The following EPB41L4A variants were observed in gnomAD, a reference collection of about 807,000 sequenced individuals.
EPB41L4A encodes the protein erythrocyte membrane protein band 4.1 like 4A.
Under a neutral mutation model 108.6 loss-of-function variants are expected in EPB41L4A, and 100 were observed. That is an observed-to-expected ratio of 0.92 (90% confidence interval 0.78 to 1.09). EPB41L4A has a LOEUF of 1.09. EPB41L4A is among the 50% of genes least tolerant of loss of function. EPB41L4A has a pLI of 0.00. For synonymous variants in EPB41L4A, 319 were observed against 289.0 expected (o/e 1.10, Z -1.05); for missense variants, 1,030 against 842.7 (o/e 1.22, Z -2.75).
chr5:112,202,203 C>T (rs1762253319), intron 15 of EPB41L4A, among the ~76,000 whole-genome samples: 1 of 152,130 alleles, frequency 6.6e-6, no homozygotes, highest in African/African-American at 2.4e-5. Context: ...GTATCTCCAG[C>T]AGTGTCAGCA....
intron 18 of EPB41L4A, among the ~76,000 whole-genome samples, chr5:112,181,368 G>A (rs903615855): frequency 1.3e-5 from 2 of 151,942 alleles, no homozygotes; most frequent in Non-Finnish European, 2.9e-5. Context: ...GGAGAATGGC[G>A]TGGAACCCGG....
intron 1 of EPB41L4A, among the ~76,000 whole-genome samples, chr5:112,410,680 C>T (rs1762355505): frequency 6.6e-6 from 1 of 152,054 alleles, no homozygotes; most frequent in African/African-American, 2.4e-5. Flanking sequence ...CCACTCCCAC[C>T]CAGCTTCAGG....
chr5:112,348,931 C>T (rs536721007), intron 1 of EPB41L4A, among the ~76,000 whole-genome samples: 1 of 152,126 alleles, frequency 6.6e-6, no homozygotes, highest in East Asian at 1.9e-4. Context: ...AGACAGGGTT[C>T]AAATCATCAA....
At chr5:112,313,308 T>C (rs1309330227) in intron 1 of EPB41L4A, among the ~76,000 whole-genome samples, 1 of 152,184 alleles carries the variant, frequency 6.6e-6, no homozygotes, top group Admixed American at 6.5e-5. Context: ...AGTCCTTTTG[T>C]AGGGTGGGCG....
intron 1 of EPB41L4A, among the ~76,000 whole-genome samples, chr5:112,337,443 AC>A (rs1756993548): frequency 6.6e-6 from 1 of 152,204 alleles, no homozygotes; most frequent in South Asian, 2.1e-4. Flanking sequence ...CATTTATTGA[AC>A]ACTTAAGATG....
chr5:112,150,150 G>A (rs1477375299), intron 12 of EPB41L4A, among the ~76,000 whole-genome samples: 1 of 152,172 alleles, frequency 6.6e-6, no homozygotes, highest in Non-Finnish European at 1.5e-5. Context: ...ACACTTATGT[G>A]TAGTCTGAGT....
At chr5:112,145,404 C>T (rs1312536969) in intron 13 of EPB41L4A, among the ~76,000 whole-genome samples, 1 of 152,190 alleles carries the variant, frequency 6.6e-6, no homozygotes, top group African/African-American at 2.4e-5. Context: ...ACTGAAGAAA[C>T]TGCTAAATGA....
intron 12 of EPB41L4A, 73 bp from the exon 13 acceptor site, chr5:112,210,055 T>A (rs1345317365): frequency 7.7e-6 from 7 of 911,522 alleles, no homozygotes; most frequent in East Asian, 5.3e-5. Flanking sequence ...ACAGAAGACT[T>A]ATTTTAAAAT....
chr5:112,329,331 G>A (rs1414442444), intron 1 of EPB41L4A, among the ~76,000 whole-genome samples: 4 of 152,104 alleles, frequency 2.6e-5, no homozygotes, highest in African/African-American at 7.2e-5. Flanking sequence ...TTTTACTGAA[G>A]AGCACCATAG....
At chr5:112,332,904 C>G (rs747876768) in intron 1 of EPB41L4A, among the ~76,000 whole-genome samples, 1 of 152,178 alleles carries the variant, frequency 6.6e-6, no homozygotes. Context: ...ACACAACATA[C>G]CATCAAGACA....
chr5:112,339,543 T>TA (rs754627802), intron 1 of EPB41L4A, among the ~76,000 whole-genome samples: 2,744 of 90,396 alleles, frequency 0.03, 153 homozygotes, highest in Admixed American at 0.19. Context: ...TATATATATA[T>TA]TTTTTTTTTA....
chr5:112,361,100 A>C lies in EPB41L4A; in HGVS notation c.100-53610T>G, dbSNP rs528496775. On this transcript the variant is annotated intron_variant, in intron 1 of 22. Transcript: ENST00000261486. Reference sequence around the variant, plus strand: ...GAAAGGGGGGAAGTGTGGGGAAAAGAAAGAGAGATCGGATTGTTACTGTGT... The same window carrying C: ...GAAAGGGGGGAAGTGTGGGGAAAAGCAAGAGAGATCGGATTGTTACTGTGT... Among the ~76,000 whole-genome samples the C allele has an allele frequency of 9.3e-3, 1,418 of 152,362 alleles. 26 individuals are homozygous for C. The highest frequency in any genetic ancestry group is 0.033 in the African/African-American group (1,355 of 41,588).
At chr5:112,211,299 G>A (rs2150313990) in intron 12 of EPB41L4A, among the ~76,000 whole-genome samples, 1 of 152,220 alleles carries the variant, frequency 6.6e-6, no homozygotes, top group East Asian at 1.9e-4. Flanking sequence ...AAAAGGGCAA[G>A]TGGGCCAGGC....
intron 11 of EPB41L4A, among the ~76,000 whole-genome samples, chr5:112,238,590 CT>C (rs1001697055): frequency 2.6e-5 from 4 of 152,102 alleles, no homozygotes; most frequent in African/African-American, 7.2e-5. Context: ...CTTGCCTTGG[CT>C]TTTTTTGTAC....
downstream of EPB41L4A, among the ~76,000 whole-genome samples, chr5:112,141,864 A>G (rs1053846026): frequency 6.6e-6 from 1 of 152,086 alleles, no homozygotes; most frequent in African/African-American, 2.4e-5. Context: ...CTTCCCAGCA[A>G]TTTGTGCATT....
intron 1 of EPB41L4A, among the ~76,000 whole-genome samples, chr5:112,348,059 T>C (rs1168924891): frequency 3.9e-5 from 6 of 152,238 alleles, no homozygotes; most frequent in Non-Finnish European, 7.3e-5. Flanking sequence ...ATCTCCAACC[T>C]GCCTCCACTC....
chr5:112,306,349 G>T lies in EPB41L4A; in HGVS notation c.204+1037C>A, dbSNP rs985608079. The stretch of plus-strand genomic sequence containing the variant: ...ATGCCATAATGACCACTAGCCTTTA[G>T]AAAGTTATTCCTTTCTATGCAAAGC... On this transcript the variant is annotated intron_variant, in intron 2 of 22. Transcript: ENST00000261486. Among the ~76,000 whole-genome samples, 21 of 152,056 alleles carry T rather than the reference G, an allele frequency of 1.4e-4. 1 individual carries two copies. Among genetic ancestry groups the T allele is most frequent in the Admixed American group, 1.2e-3 (18 of 15,248 alleles).
chr5:112,355,155 A>G (rs1287877086), intron 1 of EPB41L4A, among the ~76,000 whole-genome samples: 1 of 152,222 alleles, frequency 6.6e-6, no homozygotes, highest in Non-Finnish European at 1.5e-5. Flanking sequence ...TACCAAATAT[A>G]ATCTATTTCA....
chr5:112,234,784 A>T (rs1263279429), intron 11 of EPB41L4A, 29 bp from the exon 12 acceptor site: 25 of 1,595,838 alleles, frequency 1.6e-5, no homozygotes, highest in Non-Finnish European at 2.1e-5. Context: ...TGATTAGCAA[A>T]GGTAAAACCA....
Sources: allele counts gnomAD v4.1 joint callset (sites outside exome capture counted in the v4.1 genomes callset), GRCh38; gene constraint gnomAD v4.1.1; transcripts MANE v1.5; gene names NCBI Gene and HGNC (gene_info 2026-07-23, HGNC 2026-07-21).